KDM2B: variants seen among roughly 807,000 people sequenced by gnomAD.
The protein encoded by KDM2B is lysine demethylase 2B.
In KDM2B, 26 loss-of-function variants were observed where a neutral mutation model predicts 150.0. The observed-to-expected ratio is 0.17, with a 90% CI of 0.13 to 0.24. The LOEUF (loss-of-function observed/expected upper bound fraction) is 0.24, where lower values mean the gene tolerates loss of function less well. KDM2B is among the 10% of genes least tolerant of loss of function. The pLI is 1.00. For synonymous variants in KDM2B, 734 were observed against 729.5 expected, an observed-to-expected ratio of 1.01 and a Z score of -0.10; for missense variants, 1,265 against 1,816.9, an observed-to-expected ratio of 0.70 and a Z score of 5.52.
chr12:121,455,088 C>T (rs990905633), intron 12 of KDM2B, among the ~76,000 whole-genome samples: 9 of 152,184 alleles, frequency 5.9e-5, no homozygotes, highest in Admixed American at 5.9e-4. Context: ...CTAAGCAGAC[C>T]CCTCCCTCCG....
rs1271775939 is a variant in KDM2B, at chr12:121,509,818, G to A, written c.1396C>T (p.Leu466=). The A allele has an allele frequency of 6.2e-7, 1 of 1,613,970 alleles. No individual in the cohort carries two copies. The highest frequency in any genetic ancestry group is 1.3e-5 in the African/African-American group (1 of 74,904). The change falls in exon 11 of 23, where the codon CTG becomes TTG. Residue 466 remains leucine, a synonymous_variant. Transcript: ENST00000377071. ...GACAAAGTCCTTTTGAGGAATCGCA[G>A]GGCAGGTGCTTTGGGCTTCTTCCCG... is the stretch of plus-strand genomic sequence containing the variant. ...ALGKKPKAPA[L]RFLKRTLSNE...
At chr12:121,448,339 A>G (rs1876653094) in intron 13 of KDM2B, among the ~76,000 whole-genome samples, 1 of 151,510 alleles carries the variant, frequency 6.6e-6, no homozygotes, top group African/African-American at 2.4e-5. Context: ...AAAAAAAAAA[A>G]AAAAAATCAG....
chr12:121,557,532 GC>G (rs1889996857), intron 4 of KDM2B, among the ~76,000 whole-genome samples: 1 of 152,092 alleles, frequency 6.6e-6, no homozygotes, highest in African/African-American at 2.4e-5. Flanking sequence ...GAGCCACCGT[GC>G]CCAGCCATGA....
rs113480274 is a variant in KDM2B at position 121,559,629 on chromosome 12, A to G, written c.398-9991T>C. On this transcript the variant is annotated intron_variant, in intron 4 of 22. Coordinates refer to ENST00000377071, the MANE Select transcript of KDM2B (RefSeq NM_032590.5). The stretch of plus-strand genomic sequence containing the variant: ...AATGCAGCTCAACCAGGCCAGGTGC[A>G]GTGGCTCATGCCTGTAATCCCAGCA... Among the ~76,000 whole-genome samples the G allele has an allele frequency of 4.8e-3, 730 of 152,214 alleles. 6 individuals carry two copies. The highest frequency in any genetic ancestry group is 0.017 in the African/African-American group (699 of 41,540).
At chr12:121,454,715 A>C (rs1415145735) in intron 12 of KDM2B, among the ~76,000 whole-genome samples, 2 of 152,168 alleles carry the variant, frequency 1.3e-5, no homozygotes, top group African/African-American at 4.8e-5. Context: ...TAACGCCTAA[A>C]GCCCCTTTTC....
chr12:121,549,572 T>C lies in KDM2B; in HGVS notation c.464A>G (p.Gln155Arg). The C allele has an allele frequency of 6.2e-7, 1 of 1,613,310 alleles. No homozygotes were observed. ...GGGCGTCTCGTAGTAACGCACAAACTGGGACATGCTCATCTCCGTGCCCTT... is the reference window on the plus strand; with the variant it reads ...GGGCGTCTCGTAGTAACGCACAAACCGGGACATGCTCATCTCCGTGCCCTT... ...TQKGTEMSMS[Q>R]FVRYYETPEA... is the part of the protein sequence containing the mutation. The change falls in exon 5 of 23, where the codon CAG becomes CGG. Residue 155 changes from glutamine to arginine, a missense_variant. Around this residue, in one of 11 missense-constraint regions of KDM2B, gnomAD observed 214 missense variants for 447.4 expected, o/e 0.48. Coordinates refer to ENST00000377071, the MANE Select transcript of KDM2B (RefSeq NM_032590.5). The surrounding 1 kb of genome is among the most constrained non-coding windows in gnomAD (Gnocchi z 4.4).
intron 22 of KDM2B, among the ~76,000 whole-genome samples, chr12:121,433,850 C>G (rs535353638): frequency 5.3e-5 from 8 of 152,098 alleles, no homozygotes; most frequent in Admixed American, 1.3e-4. Flanking sequence ...ATGATTCCAG[C>G]CTGAGCAACA....
chr12:121,430,516 A>G lies in KDM2B; in HGVS notation c.3830-47T>C, dbSNP rs1555285276. 6.8e-7 allele frequency: 1 copy of G among 1,474,752 alleles called. No homozygotes were observed. The highest frequency in any genetic ancestry group is 9.5e-7 in the Non-Finnish European group (1 of 1,054,454). The allele number at this position is 1,474,752 out of a possible 1,614,324, so 91.4% of individuals were successfully genotyped here. A position where few individuals can be genotyped will look rare whatever the true frequency, so the allele number is the denominator to read the frequency against. ...GTGAGGTGTGAAGGCCAGGAGCCAG[A>G]AGCCCCCCCGCCGCCAGACCCAGGC... On this transcript the variant is annotated intron_variant, in intron 22 of 22. Coordinates refer to ENST00000377071, the MANE Select transcript of KDM2B (RefSeq NM_032590.5). The surrounding 1 kb of genome is among the most constrained non-coding windows in gnomAD (Gnocchi z 4.4).
At chr12:121,489,515 C>T (rs535610352) in intron 12 of KDM2B, among the ~76,000 whole-genome samples, 2 of 152,316 alleles carry the variant, frequency 1.3e-5, no homozygotes, top group Non-Finnish European at 2.9e-5. Context: ...TCTCAGCTCA[C>T]TGCAACCTCC....
At chr12:121,478,988 G>A (rs1346481652) in intron 12 of KDM2B, among the ~76,000 whole-genome samples, 4 of 151,760 alleles carry the variant, frequency 2.6e-5, no homozygotes, top group African/African-American at 9.7e-5. Flanking sequence ...AAAGTACTGA[G>A]ATTAAGGTTT....
intron 11 of KDM2B, among the ~76,000 whole-genome samples, chr12:121,496,542 T>A (rs1197197447): frequency 6.8e-6 from 1 of 147,154 alleles, no homozygotes; most frequent in Non-Finnish European, 1.5e-5. Context: ...TCACCCAGGC[T>A]GGAGTGCAGG....
At chr12:121,578,707 G>A in intron 2 of KDM2B, 95 bp downstream of exon 2, 1 of 910,964 alleles carries the variant, frequency 1.1e-6, no homozygotes, top group Non-Finnish European at 1.4e-6. Context: ...AATGGGGGAC[G>A]CGGGCGCGAA....
chr12:121,527,703 A>T (rs567005703), intron 8 of KDM2B, among the ~76,000 whole-genome samples: 22 of 152,140 alleles, frequency 1.4e-4, no homozygotes, highest in Admixed American at 2.6e-4. Context: ...TTTTTCCATA[A>T]ATGCTTGCAG....
At chr12:121,580,591 G>A in intron 1 of KDM2B, 195 bp downstream of exon 1, 1 of 766,760 alleles carries the variant, frequency 1.3e-6, no homozygotes, top group Non-Finnish European at 1.9e-6. Flanking sequence ...AGGGAAGGAG[G>A]AGGGGGCGGG....
chr12:121,581,401 C>G (rs1739814741), upstream of KDM2B: 1 of 153,774 alleles, frequency 6.5e-6, no homozygotes, highest in South Asian at 2.0e-4. Flanking sequence ...ACCCTCCGTA[C>G]ATACATGGGT....
At chr12:121,505,199 T>C (rs1884958201) in intron 11 of KDM2B, among the ~76,000 whole-genome samples, 1 of 147,224 alleles carries the variant, frequency 6.8e-6, no homozygotes, top group Admixed American at 6.9e-5. Context: ...GGCACGAGAA[T>C]CGCTTGAACC....
intron 6 of KDM2B, among the ~76,000 whole-genome samples, chr12:121,538,512 G>A (rs1888349942): frequency 6.6e-6 from 1 of 152,132 alleles, no homozygotes; most frequent in Non-Finnish European, 1.5e-5. Context: ...GTTCAATTCT[G>A]CATTCTAAGA....
chr12:121,567,783 T>C (rs1274183713), intron 4 of KDM2B, among the ~76,000 whole-genome samples: 1 of 146,670 alleles, frequency 6.8e-6, no homozygotes, highest in African/African-American at 2.5e-5. Context: ...CAATCTCGGC[T>C]CACTGTAACC....
intron 11 of KDM2B, among the ~76,000 whole-genome samples, chr12:121,501,786 A>C (rs1427150655): frequency 6.6e-6 from 1 of 151,922 alleles, no homozygotes; most frequent in Non-Finnish European, 1.5e-5. Flanking sequence ...ATGCCCTGCT[A>C]ATTTTTTTGT....
Sources: gnomAD v4.1 joint callset for allele counts (sites outside exome capture counted in the v4.1 genomes callset) on GRCh38, gnomAD v4.1.1 for gene constraint, gnomAD v4.1.1 regional missense constraint, Gnocchi (gnomAD v3.1) non-coding constraint, MANE v1.5 for transcripts, NCBI Gene and HGNC (gene_info 2026-07-23, HGNC 2026-07-21) for gene names.